Variants in RICTOR observed in about 807,000 individuals in gnomAD.
RICTOR encodes the protein rapamycin-insensitive companion of mTOR.
Under a neutral mutation model 214.9 loss-of-function variants are expected in RICTOR, and 49 were observed. That is an observed-to-expected ratio of 0.23 (90% confidence interval 0.18 to 0.29). The LOEUF is 0.29. Ranked by LOEUF, RICTOR falls within the 10% of genes least tolerant of loss-of-function variation. RICTOR has a pLI of 1.00. For synonymous variants in RICTOR, 717 were observed against 711.3 expected (o/e 1.01, Z -0.13); for missense variants, 1,625 against 2,047.0 (o/e 0.79, Z 3.98).
intron 2 of RICTOR, among the ~76,000 whole-genome samples, chr5:39,063,906 G>A (rs1044662398): frequency 8.3e-5 from 12 of 144,488 alleles, no homozygotes; most frequent in Admixed American, 4.7e-4. Context: ...TTAAAAAAAC[G>A]TTTTCTGTAT....
chr5:39,064,847 A>G lies in RICTOR; in HGVS notation c.97+9264T>C, dbSNP rs999798909. On this transcript the variant is annotated intron_variant, in intron 2 of 37. Coordinates refer to ENST00000357387, the MANE Select transcript of RICTOR (RefSeq NM_152756.5). ...TTTTCAATATTCCAGGTCTGTAGTG[A>G]TATGTGAGAATTACAAAGGTAGGAG... Among the ~76,000 whole-genome samples, 3 of 152,214 alleles carry G rather than the reference A, an allele frequency of 2.0e-5. No homozygotes were observed. The South Asian group carries it at 6.2e-4, about 32-fold the overall frequency.
intron 2 of RICTOR, among the ~76,000 whole-genome samples, chr5:39,055,710 AAAG>A (rs1758162998): frequency 6.6e-6 from 1 of 152,160 alleles, no homozygotes; most frequent in Non-Finnish European, 1.5e-5. Context: ...AAGCCCAAAT[AAAG>A]AAGATGTTCA....
intron 6 of RICTOR, among the ~76,000 whole-genome samples, chr5:38,992,567 AAC>A (rs1412839993): frequency 6.6e-6 from 1 of 152,188 alleles, no homozygotes; most frequent in Non-Finnish European, 1.5e-5. Flanking sequence ...GATATGTATG[AAC>A]AGATGATTTC....
At position 38,939,576 on chromosome 5, in the gene RICTOR, T is replaced by A. The variant is rs1747312228; in HGVS notation, c.*2728A>T. 4.3e-6 allele frequency: 1 copy of A among 231,746 alleles called. No individual in the cohort carries two copies. Among genetic ancestry groups the A allele is most frequent in the Non-Finnish European group, 8.5e-6 (1 of 117,238 alleles). The allele number at this position is 231,746 out of a possible 1,614,324, so 14.4% of individuals were successfully genotyped here. On this transcript the variant is annotated 3_prime_UTR_variant, in exon 38 of 38. Coordinates refer to ENST00000357387, the MANE Select transcript of RICTOR (RefSeq NM_152756.5). ...TATTTATCAGTATTTACTTAGTATG[T>A]GAGGCTGAAATCTGTTCTTGAAAAA...
At chr5:38,962,406 C>A in intron 18 of RICTOR, 45 bp from the exon 19 acceptor site, 1 of 1,163,200 alleles carries the variant, frequency 8.6e-7, no homozygotes, top group African/African-American at 1.6e-5. Flanking sequence ...CTTATCAATT[C>A]TCACACATAT....
intron 33 of RICTOR, among the ~76,000 whole-genome samples, chr5:38,946,020 C>G (rs2112817770): frequency 6.6e-6 from 1 of 152,154 alleles, no homozygotes; most frequent in Admixed American, 6.5e-5. Flanking sequence ...TATAAAGAGG[C>G]ATTTGTTTAA....
At chr5:38,990,881 T>C (rs927792073) in intron 7 of RICTOR, 68 bp downstream of exon 7, 3 of 905,498 alleles carry the variant, frequency 3.3e-6, no homozygotes, top group African/African-American at 1.7e-5. Context: ...ATGATAGATA[T>C]ATATATCTCA....
At position 39,062,466 on chromosome 5, in the gene RICTOR, A is replaced by G. The variant is rs191232198; in HGVS notation, c.97+11645T>C. ...GGAGTGGTGGTGACGGTAGTGTGGT[A>G]AACATTAGAAAGTGCATTATAGAAT... On this transcript the variant is annotated intron_variant, in intron 2 of 37. Coordinates refer to ENST00000357387, the MANE Select transcript of RICTOR (RefSeq NM_152756.5). 6.1e-4 allele frequency among the ~76,000 whole-genome samples: 93 copies of G among 152,036 alleles called. 2 individuals are homozygous for G. In the East Asian group the frequency reaches 0.016, roughly 26 times the overall value.
intron 6 of RICTOR, among the ~76,000 whole-genome samples, chr5:38,996,013 C>T (rs1753151797): frequency 6.6e-6 from 1 of 152,032 alleles, no homozygotes; most frequent in Non-Finnish European, 1.5e-5. Context: ...GGAACCCTAG[C>T]TAACATAGAA....
chr5:39,053,764 C>T (rs1758005217), intron 2 of RICTOR, among the ~76,000 whole-genome samples: 1 of 149,262 alleles, frequency 6.7e-6, no homozygotes, highest in African/African-American at 2.5e-5. Context: ...AGGTGGCGGG[C>T]GCCTGTAGTC....
In RICTOR at chr5:38,967,340, G is replaced by C. The variant is rs1454030137; in HGVS notation, c.1148C>G (p.Ser383Cys). 6.2e-7 allele frequency: 1 copy of C among 1,612,088 alleles called. No homozygotes were observed. Among genetic ancestry groups the C allele is most frequent in the African/African-American group, 1.3e-5 (1 of 74,800 alleles). Reference protein sequence around the residue: ...AKTILPHRARSRPDLMDNYLA... With the variant: ...AKTILPHRARCRPDLMDNYLA... ...CCCTTTTTATTTTAAATTCTACCTGGATCTGGCACGATGAGGAAGAATAGT... is the reference window on the plus strand; with the variant it reads ...CCCTTTTTATTTTAAATTCTACCTGCATCTGGCACGATGAGGAAGAATAGT... The change falls in exon 13 of 38, where the codon TCC becomes TGC. Residue 383 changes from serine (S) to cysteine (C), a missense_variant. Transcript: ENST00000357387.
At chr5:38,975,480 GA>G in intron 10 of RICTOR, 56 bp downstream of exon 10, 1 of 1,190,670 alleles carries the variant, frequency 8.4e-7, no homozygotes, top group South Asian at 1.2e-5. Context: ...TTTAACATTT[GA>G]AAAAGCAGTC....
chr5:38,963,023 C>A lies in RICTOR; in HGVS notation c.1419G>T (p.Leu473Phe). 6.2e-7 allele frequency: 1 copy of A among 1,610,898 alleles called. No homozygotes were observed. Among genetic ancestry groups the A allele is most frequent in the Non-Finnish European group, 8.5e-7 (1 of 1,178,188 alleles). ...TTTCATGGAAGCGTTTTAAACAGTT[C>A]AAGGCTGCACTGGCTCGCCTAATGA... is the stretch of plus-strand genomic sequence containing the variant. Reference protein sequence around the residue: ...KEKRLRASAALNCLKRFHEMK... With the variant: ...KEKRLRASAAFNCLKRFHEMK... Residue 473 changes from leucine to phenylalanine, a missense_variant, in exon 17 of 38, where the codon TTG becomes TTT. Leu to Phe is a conservative substitution (Grantham distance 22, BLOSUM62 0). Coordinates refer to ENST00000357387, the MANE Select transcript of RICTOR (RefSeq NM_152756.5).
At chr5:38,992,985 G>C (rs910986975) in intron 6 of RICTOR, among the ~76,000 whole-genome samples, 2 of 152,216 alleles carry the variant, frequency 1.3e-5, no homozygotes, top group African/African-American at 4.8e-5. Context: ...GAAGATCGAT[G>C]TAAGGTGAGA....
At chr5:39,027,259 G>C (rs1195023469) in intron 2 of RICTOR, among the ~76,000 whole-genome samples, 1 of 152,068 alleles carries the variant, frequency 6.6e-6, no homozygotes, top group Non-Finnish European at 1.5e-5. Flanking sequence ...AATTAGGAAA[G>C]TATATACTTC....
Position 38,942,142 on chromosome 5 carries a change from A to G in RICTOR, c.*162T>C. On this transcript the variant is annotated 3_prime_UTR_variant, in exon 38 of 38. Coordinates refer to ENST00000357387, the MANE Select transcript of RICTOR (RefSeq NM_152756.5). ...AGAGAAGGAAGTTGTTTTGGTTAGG[A>G]AAGTCAGCAGTTCCAACTGTTCATG... 1 of 427,252 alleles carries G rather than the reference A, an allele frequency of 2.3e-6. No individual in the cohort carries two copies. Among genetic ancestry groups the G allele is most frequent in the Non-Finnish European group, 4.3e-6 (1 of 233,164 alleles). The allele number at this position is 427,252 out of a possible 1,614,324, so 26.5% of individuals were successfully genotyped here.
At chr5:39,019,067 C>A (rs1325527519) in intron 3 of RICTOR, among the ~76,000 whole-genome samples, 1 of 152,144 alleles carries the variant, frequency 6.6e-6, no homozygotes, top group Admixed American at 6.5e-5. Context: ...TAACCCAGAG[C>A]AAGCAAGACC....
chr5:39,006,712 G>A (rs1412940283), intron 3 of RICTOR, among the ~76,000 whole-genome samples: 1 of 31,556 alleles, frequency 3.2e-5, no homozygotes, highest in Non-Finnish European at 7.4e-5. Flanking sequence ...GGAGGGGAGA[G>A]GAGGGGAGAG....
At chr5:38,995,562 A>AAAAAT (rs901636125) in intron 6 of RICTOR, among the ~76,000 whole-genome samples, 3 of 152,158 alleles carry the variant, frequency 2.0e-5, no homozygotes, top group African/African-American at 7.2e-5. Flanking sequence ...AAATTATTGA[A>AAAAAT]AAAATAAAAT....
Sources: allele counts gnomAD v4.1 joint callset (sites outside exome capture counted in the v4.1 genomes callset), GRCh38; gene constraint gnomAD v4.1.1; transcripts MANE v1.5; gene names NCBI Gene and HGNC (gene_info 2026-07-23, HGNC 2026-07-21).